SEMA3A: variants seen among roughly 807,000 people sequenced by gnomAD.
The protein encoded by SEMA3A is semaphorin 3A.
A neutral mutation model predicts 97.9 loss-of-function variants in SEMA3A; 29 were observed. The ratio of observed to expected loss-of-function variants is 0.30; its 90% CI spans 0.22 to 0.40. The LOEUF (loss-of-function observed/expected upper bound fraction) is 0.40. Among genes scored for constraint, SEMA3A ranks in the 10% least tolerant of loss-of-function variants. The pLI is 1.00. For synonymous variants in SEMA3A, 321 were observed against 323.7 expected (o/e 0.99, Z 0.09); for missense variants, 763 against 951.3 (o/e 0.80, Z 2.60).
rs1801971634 is a variant in SEMA3A at position 84,334,020 on chromosome 7, G to C, written c.-168-26728C>G. 7.2e-5 allele frequency among the ~76,000 whole-genome samples: 11 copies of C among 152,082 alleles called. 1 individual carries two copies. The South Asian group carries it at 2.3e-3, about 32-fold the overall frequency. ...CTGAAAAGTAATAGTATATATCCAT[G>C]TTTCATTTTCTTACAATTGACTAAA... is the stretch of plus-strand genomic sequence containing the variant. On this transcript the variant is annotated intron_variant, in intron 2 of 3. Coordinates refer to the SEMA3A transcript ENST00000424555.
Position 84,114,850 on chromosome 7 carries a change from TA to T in SEMA3A, c.334-4262del, listed in dbSNP as rs1418501290. Among the ~76,000 whole-genome samples, 9 of 152,240 alleles carry T rather than the reference TA, an allele frequency of 5.9e-5. No homozygotes were observed. The East Asian group carries it at 1.7e-3, about 29-fold the overall frequency. On this transcript the variant is annotated intron_variant, in intron 3 of 16. Transcript: ENST00000265362. ...TTGTGTTTAATACTTCACTATTCAC[TA>T]AAGGAGGTTAGAAATCTCTTCTCCA...
chr7:84,014,908 A>T (rs890340317), intron 6 of SEMA3A, among the ~76,000 whole-genome samples: 2 of 152,012 alleles, frequency 1.3e-5, no homozygotes, highest in Non-Finnish European at 1.5e-5. Context: ...CCTTTCTCTC[A>T]CACCCAACAT....
intron 1 of SEMA3A, among the ~76,000 whole-genome samples, chr7:84,136,274 A>T (rs1262823309): frequency 1.3e-5 from 2 of 152,186 alleles, no homozygotes; most frequent in African/African-American, 4.8e-5. Flanking sequence ...ATCAGGAAAC[A>T]TATATTAGCC....
In SEMA3A at chr7:84,339,510, T is replaced by C. The variant is rs140208428; in HGVS notation, c.-168-32218A>G. The stretch of plus-strand genomic sequence containing the variant: ...AGGAACGTGAGGGTTTGGCACTCAT[T>C]TTCATAGTTCCTACTGTGTAGAAGT... On this transcript the variant is annotated intron_variant, in intron 2 of 3. Transcript: ENST00000424555. Among the ~76,000 whole-genome samples the C allele has an allele frequency of 3.9e-5, 6 of 152,274 alleles. No individual in the cohort carries two copies. In the East Asian group the frequency reaches 1.2e-3, roughly 29 times the overall value.
At chr7:84,105,899 A>T (rs1795094345) in intron 4 of SEMA3A, among the ~76,000 whole-genome samples, 1 of 152,190 alleles carries the variant, frequency 6.6e-6, no homozygotes, top group Admixed American at 6.5e-5. Flanking sequence ...TATGATAAAC[A>T]CACACATGTG....
At chr7:84,097,509 G>A (rs1460345662) in intron 4 of SEMA3A, among the ~76,000 whole-genome samples, 1 of 152,048 alleles carries the variant, frequency 6.6e-6, no homozygotes, top group South Asian at 2.1e-4. Flanking sequence ...GCAGACTTGC[G>A]AATTGATTTT....
chr7:84,038,577 G>A (rs559018355), intron 6 of SEMA3A, among the ~76,000 whole-genome samples: 63 of 152,118 alleles, frequency 4.1e-4, no homozygotes, highest in Middle Eastern at 3.4e-3. Flanking sequence ...TCTCTTTACA[G>A]TTGCCGAAGT....
chr7:84,200,158 GA>G (rs200427946), upstream of SEMA3A, among the ~76,000 whole-genome samples: 1,107 of 143,520 alleles, frequency 7.7e-3, 40 homozygotes, highest in East Asian at 0.12. Flanking sequence ...ACAGTTGGGG[GA>G]AAAAAAAAAA....
chr7:84,214,643 C>T (rs547946225), intron 3 of SEMA3A, among the ~76,000 whole-genome samples: 3 of 151,942 alleles, frequency 2.0e-5, no homozygotes, highest in Admixed American at 6.6e-5. Flanking sequence ...CTGCTGTTCC[C>T]CCTGACATGC....
Position 84,137,343 on chromosome 7 carries a change from G to A in SEMA3A, c.113-2392C>T, listed in dbSNP as rs537039440. ...TTGAACCTGGGAGGTAGAGGTTGCA[G>A]TGAGCCGAGATTGCACCACTGCACT... On this transcript the variant is annotated intron_variant, in intron 1 of 16. Coordinates refer to ENST00000265362, the MANE Select transcript of SEMA3A (RefSeq NM_006080.3). Among the ~76,000 whole-genome samples the A allele has an allele frequency of 8.8e-5, 13 of 148,126 alleles. No individual in the cohort carries two copies. The South Asian group carries it at 2.8e-3, about 31-fold the overall frequency.
chr7:83,994,792 A>AGG (rs1790135777), intron 12 of SEMA3A, among the ~76,000 whole-genome samples: 1 of 151,872 alleles, frequency 6.6e-6, no homozygotes, highest in African/African-American at 2.4e-5. Flanking sequence ...CTGCCCCCAG[A>AGG]GGTGGAGCCT....
chr7:84,488,139 T>G (rs1388655114), intron 1 of SEMA3A, among the ~76,000 whole-genome samples: 1 of 152,000 alleles, frequency 6.6e-6, no homozygotes, highest in African/African-American at 2.4e-5. Flanking sequence ...AGATATAAGT[T>G]TTTTTGTCAT....
chr7:84,406,355 G>A (rs1804087302), intron 1 of SEMA3A, among the ~76,000 whole-genome samples: 1 of 152,096 alleles, frequency 6.6e-6, no homozygotes, highest in African/African-American at 2.4e-5. Flanking sequence ...CCAGGAAGAA[G>A]CTGAATCTCT....
At chr7:84,293,213 A>T (rs2115792716) in intron 3 of SEMA3A, among the ~76,000 whole-genome samples, 1 of 152,194 alleles carries the variant, frequency 6.6e-6, no homozygotes, top group Non-Finnish European at 1.5e-5. Context: ...CATTGCTGTG[A>T]CGCATCTGCC....
chr7:84,433,069 T>TTTATTA lies in SEMA3A; in HGVS notation c.-246+59385_-246+59390dup, dbSNP rs201217953. Among the ~76,000 whole-genome samples the TTTATTA allele has an allele frequency of 3.3e-4, 49 of 150,480 alleles. 1 individual carries two copies. Among genetic ancestry groups the TTTATTA allele is most frequent in the East Asian group, 9.8e-4 (5 of 5,124 alleles). On this transcript the variant is annotated intron_variant, in intron 1 of 3. Transcript: ENST00000424555. ...GCCTCTCTATCACCTGTTATTTGAC[T>TTTATTA]TTATTATTATTATTATTATTATTAT... is the stretch of plus-strand genomic sequence containing the variant.
At chr7:84,365,238 C>T (rs1014100247) in intron 2 of SEMA3A, among the ~76,000 whole-genome samples, 1 of 151,402 alleles carries the variant, frequency 6.6e-6, no homozygotes, top group African/African-American at 2.4e-5. Flanking sequence ...CATTATCTTA[C>T]CCAGTTTACT....
At chr7:83,995,720 A>ATT (rs1790189498) in intron 12 of SEMA3A, among the ~76,000 whole-genome samples, 1 of 45,722 alleles carries the variant, frequency 2.2e-5, no homozygotes. Flanking sequence ...TAAAATTAAA[A>ATT]CAGCATCTTT....
intron 5 of SEMA3A, among the ~76,000 whole-genome samples, chr7:84,054,356 G>T (rs1372425544): frequency 2.0e-5 from 3 of 151,894 alleles, no homozygotes; most frequent in Non-Finnish European, 4.4e-5. Flanking sequence ...ACACCAATCA[G>T]ATGTAGATTT....
chr7:84,080,336 A>C (rs1160049930), intron 4 of SEMA3A, among the ~76,000 whole-genome samples: 2 of 151,942 alleles, frequency 1.3e-5, no homozygotes, highest in African/African-American at 2.4e-5. Context: ...CATGTGCCCT[A>C]AAACTTAAAG....
Sources: gnomAD v4.1 joint callset for allele counts (sites outside exome capture counted in the v4.1 genomes callset) on GRCh38, gnomAD v4.1.1 for gene constraint, MANE v1.5 for transcripts, NCBI Gene and HGNC (gene_info 2026-07-23, HGNC 2026-07-21) for gene names.